The following HDAC4 variants were observed in gnomAD, a reference collection of about 807,000 sequenced individuals.
HDAC4 encodes histone deacetylase 4, also known as histone deacetylase A.
A neutral mutation model predicts 135.1 loss-of-function variants in HDAC4; 16 were observed. That is an observed-to-expected ratio of 0.12 (90% CI 0.08 to 0.18). HDAC4 has a LOEUF of 0.18. HDAC4 is among the 10% of genes least tolerant of loss of function. The pLI, the probability that HDAC4 is intolerant of heterozygous loss-of-function variation, is 1.00. For missense variants in HDAC4, 1,143 were observed against 1,511.8 expected (o/e 0.76, Z 4.05); for synonymous variants, 685 against 653.4 (o/e 1.05, Z -0.74).
intron 19 of HDAC4, among the ~76,000 whole-genome samples, chr2:239,084,719 C>T (rs976248816): frequency 3.8e-5 from 5 of 130,508 alleles, no homozygotes; most frequent in Non-Finnish European, 6.8e-5. Flanking sequence ...ACGCCCTACA[C>T]ACATACATGC....
intron 3 of HDAC4, among the ~76,000 whole-genome samples, chr2:239,205,751 A>T (rs930658122): frequency 1.3e-5 from 2 of 152,028 alleles, no homozygotes; most frequent in African/African-American, 4.8e-5. Flanking sequence ...AAGAAGGAAG[A>T]AGTTTACCTA....
intron 2 of HDAC4, among the ~76,000 whole-genome samples, chr2:239,348,695 T>C (rs769116095): frequency 4.6e-5 from 7 of 152,144 alleles, no homozygotes; most frequent in Non-Finnish European, 7.4e-5. Flanking sequence ...GCGCATCCCC[T>C]CAGGGAGGGT....
chr2:239,310,730 G>A (rs1200057848), intron 2 of HDAC4, among the ~76,000 whole-genome samples: 3 of 152,212 alleles, frequency 2.0e-5, no homozygotes, highest in Non-Finnish European at 4.4e-5. Context: ...CAACCAAGCA[G>A]ACCCAAAACT....
chr2:239,185,188 G>A (rs55840142), intron 4 of HDAC4, among the ~76,000 whole-genome samples: 27,788 of 151,716 alleles, frequency 0.18, 2,930 homozygotes, highest in East Asian at 0.32. Context: ...TCTGGGGAGA[G>A]GTGCACCCCA....
intron 24 of HDAC4, among the ~76,000 whole-genome samples, chr2:239,061,422 T>C (rs1223497888): frequency 1.3e-5 from 2 of 149,454 alleles, no homozygotes; most frequent in Non-Finnish European, 3.0e-5. Flanking sequence ...GGGTGTGTGG[T>C]GTGTGCACGT....
intron 2 of HDAC4, among the ~76,000 whole-genome samples, chr2:239,286,531 G>A (rs538629569): frequency 9.8e-5 from 15 of 152,296 alleles, no homozygotes; most frequent in Admixed American, 2.0e-4. Flanking sequence ...GGAAGGAAGG[G>A]AAGGAAGGGA....
chr2:239,397,660 C>T (rs767535161), intron 1 of HDAC4, among the ~76,000 whole-genome samples: 1 of 152,174 alleles, frequency 6.6e-6, no homozygotes, highest in Non-Finnish European at 1.5e-5. Flanking sequence ...GGCCCTCATG[C>T]CACCCCAAAA....
intron 16 of HDAC4, among the ~76,000 whole-genome samples, chr2:239,102,023 CCCGGGT>C (rs1355064320): frequency 6.8e-6 from 1 of 147,612 alleles, no homozygotes; most frequent in Non-Finnish European, 1.5e-5. Context: ...AGCCCCCGGC[CCCGGGT>C]CCACGTTCTG....
chr2:239,237,575 A>C (rs1310327939), intron 2 of HDAC4, among the ~76,000 whole-genome samples: 5 of 138,834 alleles, frequency 3.6e-5, no homozygotes, highest in Non-Finnish European at 4.5e-5. Context: ...AGGTCAAATG[A>C]CTGCAAAAAA....
chr2:239,089,944 C>G (rs1416539905), intron 18 of HDAC4, 65 bp downstream of exon 18: 3 of 1,234,320 alleles, frequency 2.4e-6, no homozygotes, highest in Non-Finnish European at 3.6e-6. Flanking sequence ...TGGGCGGCCC[C>G]TCCCCACACT....
At chr2:239,145,494 G>A (rs1465381211) in intron 7 of HDAC4, among the ~76,000 whole-genome samples, 7 of 152,234 alleles carry the variant, frequency 4.6e-5, no homozygotes, top group Non-Finnish European at 7.3e-5. Context: ...CCTCCGGCGC[G>A]AGGCCCGCCT....
At chr2:239,359,959 A>G (rs1454501927) in intron 1 of HDAC4, among the ~76,000 whole-genome samples, 14 of 152,218 alleles carry the variant, frequency 9.2e-5, no homozygotes, top group Admixed American at 9.2e-4. Context: ...TTTACAGAGC[A>G]GGCATGCTAG....
At chr2:239,304,641 T>C (rs953372169) in intron 2 of HDAC4, among the ~76,000 whole-genome samples, 4 of 152,096 alleles carry the variant, frequency 2.6e-5, no homozygotes, top group African/African-American at 9.7e-5. Context: ...CTTTGCCAGG[T>C]CCTGTAAACA....
chr2:239,298,282 C>T, intron 2 of HDAC4: 1 of 1,260,602 alleles, frequency 7.9e-7, no homozygotes, highest in East Asian at 5.7e-5. Context: ...GTGCCCTGGA[C>T]AAGCGGTGGC....
At chr2:239,401,148 TC>T (rs1301692144), upstream of HDAC4, 2 of 151,524 alleles carry the variant, frequency 1.3e-5, no homozygotes, top group East Asian at 3.9e-4. Context: ...CCGCCTGGTT[TC>T]TAATGAAGAG....
intron 15 of HDAC4, among the ~76,000 whole-genome samples, 187 bp downstream of exon 15, chr2:239,107,863 C>A (rs1311364340): frequency 6.6e-6 from 1 of 152,238 alleles, no homozygotes; most frequent in Non-Finnish European, 1.5e-5. Flanking sequence ...GGGAGACAGC[C>A]CCGGGCTTCT....
chr2:239,395,920 A>G (rs898847125), intron 1 of HDAC4, among the ~76,000 whole-genome samples: 3 of 152,176 alleles, frequency 2.0e-5, no homozygotes, highest in African/African-American at 7.2e-5. Context: ...GACACTTAAG[A>G]CTTTTCTAGA....
rs1461171172 is a variant in HDAC4 at position 239,220,103 on chromosome 2, C to G, written c.94+16490G>C. Among the ~76,000 whole-genome samples, 6 of 152,220 alleles carry G rather than the reference C, an allele frequency of 3.9e-5. 1 individual carries two copies. Among genetic ancestry groups the G allele is most frequent in the African/African-American group, 2.4e-5 (1 of 41,462 alleles). On this transcript the variant is annotated intron_variant, in intron 3 of 26. Transcript: ENST00000543185. The stretch of plus-strand genomic sequence containing the variant: ...AAAAACCAATGCCACATAAAGAACA[C>G]AGTTTCCAAATACACACAGTGTAGA...
intron 3 of HDAC4, among the ~76,000 whole-genome samples, chr2:239,205,375 A>G (rs1222599318): frequency 6.6e-6 from 1 of 152,198 alleles, no homozygotes; most frequent in Admixed American, 6.5e-5. Flanking sequence ...ACGTTATCCA[A>G]CAAAGGAAAT....
Sources: allele counts gnomAD v4.1 joint callset (sites outside exome capture counted in the v4.1 genomes callset), GRCh38; gene constraint gnomAD v4.1.1; transcripts MANE v1.5; gene names NCBI Gene and HGNC (gene_info 2026-07-23, HGNC 2026-07-21).